Variants in RHOBTB3 observed in about 807,000 individuals in gnomAD.
RHOBTB3 encodes Rho related BTB domain containing 3.
A neutral mutation model predicts 67.2 loss-of-function variants in RHOBTB3; 47 were observed. The ratio of observed to expected loss-of-function variants is 0.70; its 90% CI spans 0.55 to 0.89. The LOEUF (loss-of-function observed/expected upper bound fraction) is 0.89. Ranked by LOEUF, RHOBTB3 falls within the 40% of genes least tolerant of loss-of-function variation. The pLI is 0.00. For synonymous variants in RHOBTB3, 273 were observed against 274.2 expected, an observed-to-expected ratio of 1.00 and a Z score of 0.04; for missense variants, 631 against 750.0, an observed-to-expected ratio of 0.84 and a Z score of 1.85.
In RHOBTB3 at chr5:95,788,053, C is replaced by A. The variant is rs139920033; in HGVS notation, c.1624-709C>A. Among the ~76,000 whole-genome samples the A allele has an allele frequency of 1.1e-4, 17 of 152,318 alleles. No individual in the cohort carries two copies. In the East Asian group the frequency reaches 2.5e-3, roughly 22 times the overall value. ...AATAATAATAATAAAAAAAAGAGTT[C>A]TATACTCATGTGCCAAAGTTGCCTG... is the stretch of plus-strand genomic sequence containing the variant. On this transcript the variant is annotated intron_variant, in intron 10 of 11. Coordinates refer to ENST00000379982, the MANE Select transcript of RHOBTB3 (RefSeq NM_014899.4).
chr5:95,761,497 C>T (rs1052257162), intron 6 of RHOBTB3, among the ~76,000 whole-genome samples: 2 of 152,154 alleles, frequency 1.3e-5, no homozygotes, highest in Non-Finnish European at 2.9e-5. Context: ...CAGACGCCAC[C>T]ATGCCCAGCT....
At chr5:95,768,209 CT>C in intron 8 of RHOBTB3, 43 bp downstream of exon 8, 1 of 1,564,382 alleles carries the variant, frequency 6.4e-7, no homozygotes, top group South Asian at 1.2e-5. Flanking sequence ...ATTTTTATTT[CT>C]TGTTTTCTTT....
At chr5:95,773,042 A>T (rs1186913471) in intron 8 of RHOBTB3, among the ~76,000 whole-genome samples, 1 of 152,230 alleles carries the variant, frequency 6.6e-6, no homozygotes, top group Non-Finnish European at 1.5e-5. Flanking sequence ...TATAATTTGC[A>T]TAGGAGGCAT....
At chr5:95,781,233 CACA>C (rs1470751353) in intron 9 of RHOBTB3, 1 of 152,212 alleles carries the variant, frequency 6.6e-6, no homozygotes, top group Admixed American at 6.5e-5. Flanking sequence ...CCACCACAAG[CACA>C]ACTAGATTCG....
intron 4 of RHOBTB3, chr5:95,751,469 A>T (rs540288807): frequency 4.4e-5 from 6 of 137,586 alleles, no homozygotes; most frequent in Non-Finnish European, 8.0e-5. Flanking sequence ...TTCTAAAATT[A>T]AAAAAAAAAA....
upstream of RHOBTB3, among the ~76,000 whole-genome samples, chr5:95,726,077 G>T (rs1373982882): frequency 6.6e-6 from 1 of 152,020 alleles, no homozygotes; most frequent in Non-Finnish European, 1.5e-5. Flanking sequence ...ACCATAAAGT[G>T]GAACATATTA....
chr5:95,753,834 G>A (rs1214280435), intron 5 of RHOBTB3, among the ~76,000 whole-genome samples: 1 of 152,182 alleles, frequency 6.6e-6, no homozygotes, highest in Non-Finnish European at 1.5e-5. Context: ...CTTGGCCCAG[G>A]TATGGTGGCT....
chr5:95,729,147 A>G (rs189599488), upstream of RHOBTB3, among the ~76,000 whole-genome samples: 4 of 152,370 alleles, frequency 2.6e-5, no homozygotes, highest in African/African-American at 9.6e-5. Flanking sequence ...TGCTCTGCCT[A>G]TGGAGTAGCC....
chr5:95,792,199 G>A (rs900973154), intron 11 of RHOBTB3, among the ~76,000 whole-genome samples: 1 of 152,086 alleles, frequency 6.6e-6, no homozygotes, highest in African/African-American at 2.4e-5. Flanking sequence ...GGAAGACTAA[G>A]TTAGCTACAA....
intron 1 of RHOBTB3, among the ~76,000 whole-genome samples, chr5:95,723,001 G>GGTGGATAACAGAAA (rs1754934548): frequency 6.6e-6 from 1 of 152,040 alleles, no homozygotes; most frequent in African/African-American, 2.4e-5. Flanking sequence ...GATAGAGGTG[G>GGTGGATAACAGAAA]GTGGATAACA....
intron 10 of RHOBTB3, among the ~76,000 whole-genome samples, chr5:95,787,054 T>C (rs1319972365): frequency 6.6e-6 from 1 of 152,270 alleles, no homozygotes; most frequent in Non-Finnish European, 1.5e-5. Flanking sequence ...CTACTGTATT[T>C]AAGATATTTT....
At chr5:95,757,313 C>G (rs905159900) in intron 6 of RHOBTB3, among the ~76,000 whole-genome samples, 3 of 152,192 alleles carry the variant, frequency 2.0e-5, no homozygotes, top group African/African-American at 7.2e-5. Context: ...TTAATGTAAG[C>G]ATCTAAATAT....
chr5:95,783,629 A>G, intron 9 of RHOBTB3, 168 bp from the exon 10 acceptor site: 1 of 426,418 alleles, frequency 2.3e-6, no homozygotes, highest in Middle Eastern at 4.1e-4. Flanking sequence ...ATGGAATAAA[A>G]GTGCAGAATG....
chr5:95,722,145 A>G (rs554789237), intron 1 of RHOBTB3, among the ~76,000 whole-genome samples: 107 of 152,200 alleles, frequency 7.0e-4, no homozygotes, highest in Non-Finnish European at 7.8e-4. Flanking sequence ...AAAACGTGCC[A>G]GCTGGGATAG....
intron 11 of RHOBTB3, among the ~76,000 whole-genome samples, chr5:95,790,043 A>G (rs1746333165): frequency 6.6e-6 from 1 of 152,236 alleles, no homozygotes; most frequent in Admixed American, 6.5e-5. Flanking sequence ...GTGCAGTTAA[A>G]GAAAACCCAG....
At chr5:95,730,468 G>A (rs879662061), upstream of RHOBTB3, among the ~76,000 whole-genome samples, 1 of 152,200 alleles carries the variant, frequency 6.6e-6, no homozygotes, top group South Asian at 2.1e-4. Context: ...AAGCACGTTA[G>A]GGATATTCAT....
chr5:95,731,743 G>C (rs1459178011), intron 1 of RHOBTB3, 59 bp downstream of exon 1: 1 of 1,609,866 alleles, frequency 6.2e-7, no homozygotes, highest in Non-Finnish European at 8.5e-7. Context: ...TGCGCCCCAG[G>C]GACAGGGGCT....
intron 3 of RHOBTB3, among the ~76,000 whole-genome samples, chr5:95,745,391 A>G (rs72783456): frequency 0.039 from 5,886 of 152,246 alleles, 185 homozygotes; most frequent in South Asian, 0.12. Flanking sequence ...TATTGAATCT[A>G]TCTTGAAAAG....
chr5:95,793,090 A>G lies in RHOBTB3; in HGVS notation c.1752A>G (p.Arg584=), dbSNP rs1746464607. 6.2e-7 allele frequency: 1 copy of G among 1,613,550 alleles called. No homozygotes were observed. Among genetic ancestry groups the G allele is most frequent in the South Asian group, 1.1e-5 (1 of 90,930 alleles). ...AACGCAGTTTTGTTGAAAAGCACAG[A>G]TGGCCGTCGAATATGTACTTGAAGC... The part of the protein sequence containing the change: ...VEERSFVEKH[R]WPSNMYLKQL... The change falls in exon 12 of 12, where the codon AGA becomes AGG. Residue 584 remains arginine (R), a synonymous_variant. Transcript: ENST00000379982.
Sources: gnomAD v4.1 joint callset for allele counts (sites outside exome capture counted in the v4.1 genomes callset) on GRCh38, gnomAD v4.1.1 for gene constraint, MANE v1.5 for transcripts, NCBI Gene and HGNC (gene_info 2026-07-23, HGNC 2026-07-21) for gene names.